Variants in HTR1F observed in about 807,000 individuals in gnomAD.
HTR1F encodes the protein 5-hydroxytryptamine receptor 1F, also known as 5-hydroxytryptamine (serotonin) receptor 1F, G protein-coupled.
HTR1F carries 17 observed loss-of-function variants against 24.0 expected under a neutral mutation model. The ratio of observed to expected loss-of-function variants is 0.71; its 90% CI spans 0.48 to 1.06. The LOEUF (loss-of-function observed/expected upper bound fraction) is 1.06. Among genes scored for constraint, HTR1F ranks in the 50% least tolerant of loss-of-function variants. HTR1F has a pLI of 0.00. For synonymous variants in HTR1F, 186 were observed against 156.8 expected, an observed-to-expected ratio of 1.19 and a Z score of -1.39; for missense variants, 391 against 427.8, an observed-to-expected ratio of 0.91 and a Z score of 0.76.
intron 2 of HTR1F, among the ~76,000 whole-genome samples, chr3:87,902,413 CA>C (rs1182625268): frequency 1.3e-5 from 2 of 151,886 alleles, no homozygotes; most frequent in East Asian, 3.9e-4. Flanking sequence ...GAAAAAAAGT[CA>C]ATTCCAAGTA....
At chr3:87,898,691 A>T (rs926289557) in intron 2 of HTR1F, among the ~76,000 whole-genome samples, 1 of 151,614 alleles carries the variant, frequency 6.6e-6, no homozygotes, top group Non-Finnish European at 1.5e-5. Context: ...GCTGACCAAT[A>T]TTTTTTTTCT....
chr3:87,832,467 A>G (rs1056237330), intron 2 of HTR1F, among the ~76,000 whole-genome samples: 5 of 151,994 alleles, frequency 3.3e-5, no homozygotes, highest in African/African-American at 1.2e-4. Context: ...AGCTGGGACT[A>G]CAGGCGCACG....
intron 2 of HTR1F, among the ~76,000 whole-genome samples, chr3:87,830,773 G>A (rs542047152): frequency 2.6e-5 from 4 of 152,186 alleles, no homozygotes; most frequent in South Asian, 2.1e-4. Context: ...ACATTGTTTC[G>A]CCACCTGTAT....
intron 2 of HTR1F, among the ~76,000 whole-genome samples, chr3:87,848,610 A>G (rs531643004): frequency 6.6e-6 from 1 of 152,034 alleles, no homozygotes; most frequent in South Asian, 2.1e-4. Context: ...AAACAATAAA[A>G]TAATCTAAAT....
At chr3:87,952,315 T>G (rs2107463721) in intron 2 of HTR1F, among the ~76,000 whole-genome samples, 1 of 152,164 alleles carries the variant, frequency 6.6e-6, no homozygotes, top group Admixed American at 6.5e-5. Context: ...ATACCTGGGC[T>G]TATAGTTTCT....
At chr3:87,875,662 C>T (rs1705653511) in intron 2 of HTR1F, among the ~76,000 whole-genome samples, 1 of 151,942 alleles carries the variant, frequency 6.6e-6, no homozygotes, top group Non-Finnish European at 1.5e-5. Context: ...CGGTGGCTCA[C>T]ACCTGTAATC....
At chr3:87,882,013 GA>G (rs1470392576) in intron 2 of HTR1F, among the ~76,000 whole-genome samples, 2 of 151,960 alleles carry the variant, frequency 1.3e-5, no homozygotes, top group East Asian at 1.9e-4. Flanking sequence ...AAATTTACAA[GA>G]AAAAAACAAA....
At chr3:87,915,343 A>G (rs1181482260) in intron 2 of HTR1F, among the ~76,000 whole-genome samples, 3 of 152,160 alleles carry the variant, frequency 2.0e-5, no homozygotes, top group Non-Finnish European at 4.4e-5. Context: ...GTGAATCCAA[A>G]CCAGGAAGAA....
At chr3:87,955,924 T>C (rs1278249198) in intron 2 of HTR1F, among the ~76,000 whole-genome samples, 1 of 151,462 alleles carries the variant, frequency 6.6e-6, no homozygotes, top group Non-Finnish European at 1.5e-5. Flanking sequence ...TTATAAGAGA[T>C]CTGTATATGG....
intron 2 of HTR1F, among the ~76,000 whole-genome samples, chr3:87,822,820 G>T (rs1298131739): frequency 6.6e-6 from 1 of 152,114 alleles, no homozygotes; most frequent in East Asian, 1.9e-4. Flanking sequence ...GTTACTCTTG[G>T]GAACAGCAAT....
At chr3:87,961,923 A>G (rs1484855801) in intron 2 of HTR1F, among the ~76,000 whole-genome samples, 2 of 152,016 alleles carry the variant, frequency 1.3e-5, no homozygotes, top group East Asian at 3.8e-4. Context: ...AACAATACAT[A>G]TTTTTGTCAG....
At chr3:87,904,255 T>A in intron 2 of HTR1F, among the ~76,000 whole-genome samples, 1 of 152,108 alleles carries the variant, frequency 6.6e-6, no homozygotes. Flanking sequence ...GAAGTGGAAA[T>A]CTTACACTTT....
intron 2 of HTR1F, among the ~76,000 whole-genome samples, chr3:87,853,779 C>A (rs1379881441): frequency 6.6e-6 from 1 of 152,028 alleles, no homozygotes; most frequent in Non-Finnish European, 1.5e-5. Context: ...GATGGTATCT[C>A]ATTGTAGGTT....
At chr3:87,841,529 C>G (rs1329095389) in intron 2 of HTR1F, among the ~76,000 whole-genome samples, 2 of 151,800 alleles carry the variant, frequency 1.3e-5, no homozygotes, top group Admixed American at 1.3e-4. Context: ...AGTGGAGCAA[C>G]TAGTTTAAAG....
chr3:87,929,826 G>T (rs1704218160), intron 2 of HTR1F, among the ~76,000 whole-genome samples: 1 of 152,044 alleles, frequency 6.6e-6, no homozygotes, highest in East Asian at 1.9e-4. Flanking sequence ...GTTTTTTCTA[G>T]TTCTTTGAAG....
intron 1 of HTR1F, among the ~76,000 whole-genome samples, chr3:87,814,355 CAT>C (rs1037053574): frequency 1.3e-5 from 2 of 152,044 alleles, no homozygotes; most frequent in Admixed American, 1.3e-4. Flanking sequence ...AGCTAATTAA[CAT>C]ATGTATTACC....
intron 2 of HTR1F, among the ~76,000 whole-genome samples, chr3:87,888,533 CAT>C (rs1162303876): frequency 1.3e-5 from 2 of 151,942 alleles, no homozygotes; most frequent in African/African-American, 2.4e-5. Flanking sequence ...AGGAAAAAAA[CAT>C]TGTGAGACAA....
intron 2 of HTR1F, among the ~76,000 whole-genome samples, chr3:87,988,232 A>T (rs1224434116): frequency 1.3e-5 from 2 of 151,982 alleles, no homozygotes; most frequent in African/African-American, 4.8e-5. Context: ...CCACTTTTTT[A>T]GAGTTTCTAA....
At chr3:87,937,690 G>A (rs1704458684) in intron 2 of HTR1F, among the ~76,000 whole-genome samples, 1 of 152,132 alleles carries the variant, frequency 6.6e-6, no homozygotes. Context: ...TTGGGAGGAT[G>A]AGGCAGGAGG....
Sources: gnomAD v4.1 joint callset for allele counts (sites outside exome capture counted in the v4.1 genomes callset) on GRCh38, gnomAD v4.1.1 for gene constraint, MANE v1.5 for transcripts, NCBI Gene and HGNC (gene_info 2026-07-23, HGNC 2026-07-21) for gene names.